TYRO3: variants seen among roughly 807,000 people sequenced by gnomAD.
TYRO3 encodes the protein TYRO3 protein tyrosine kinase, also known as tyrosine-protein kinase receptor TYRO3.
TYRO3 carries 38 observed loss-of-function variants against 95.2 expected under a neutral mutation model. The ratio of observed to expected loss-of-function variants is 0.40; its 90% CI spans 0.31 to 0.52. The LOEUF (loss-of-function observed/expected upper bound fraction) is 0.52, where lower values mean the gene tolerates loss of function less well. Among genes scored for constraint, TYRO3 ranks in the 20% least tolerant of loss-of-function variants. The pLI, the probability that TYRO3 is intolerant of heterozygous loss-of-function variation, is 0.56. For synonymous variants in TYRO3, 367 were observed against 432.9 expected (o/e 0.85, Z 1.89); for missense variants, 812 against 1,116.4 (o/e 0.73, Z 3.89).
rs748024537 is a variant in TYRO3, at chr15:41,561,138, A to G, written c.136A>G (p.Met46Val). Reference protein sequence around the residue: ...PESAAAGLKLMGAPVKLTVSQ... With the variant: ...PESAAAGLKLVGAPVKLTVSQ... ...TTCCCACCCCTCAGGTCTGAAGCTC[A>G]TGGGAGCCCCGGTGAAGCTGACAGT... The change falls in exon 2 of 19, where the codon ATG becomes GTG. Residue 46 changes from methionine (M) to valine (V), a missense_variant. By Grantham distance (21) the Met-to-Val change is conservative. Coordinates refer to ENST00000263798, the MANE Select transcript of TYRO3 (RefSeq NM_006293.4). 4.3e-6 allele frequency: 7 copies of G among 1,613,868 alleles called. No homozygotes were observed. The highest frequency in any genetic ancestry group is 1.7e-5 in the Admixed American group (1 of 60,010).
intron 18 of TYRO3, among the ~76,000 whole-genome samples, chr15:41,577,040 A>T (rs1434262642): frequency 6.6e-6 from 1 of 152,014 alleles, no homozygotes; most frequent in Non-Finnish European, 1.5e-5. Flanking sequence ...CTCGCTTCAA[A>T]TCACAGCTCT....
intron 18 of TYRO3, among the ~76,000 whole-genome samples, chr15:41,574,339 C>T (rs910967683): frequency 2.1e-4 from 32 of 152,042 alleles, no homozygotes; most frequent in African/African-American, 7.2e-4. Flanking sequence ...CCAAAGCCCT[C>T]GGGACTGGGC....
At position 41,573,348 on chromosome 15, in the gene TYRO3, C is replaced by T; in HGVS notation, c.2026C>T (p.Leu676Phe). The change falls in exon 17 of 19, where the codon CTC (leucine) becomes TTC (phenylalanine). Residue 676 changes from leucine (L) to phenylalanine (F), a missense_variant. Physicochemically the swap from Leu to Phe is conservative, Grantham distance 22. Coordinates refer to ENST00000263798, the MANE Select transcript of TYRO3 (RefSeq NM_006293.4). ...GACAGTGTGTGTGGCTGACTTCGGA[C>T]TCTCCCGGAAGATCTACAGTGGGGA... ...DMTVCVADFG[L>F]SRKIYSGDYY... is the part of the protein sequence containing the mutation. The T allele has an allele frequency of 1.2e-6, 2 of 1,614,240 alleles. No homozygotes were observed.
At chr15:41,568,760 G>A (rs998971206) in intron 8 of TYRO3, 118 bp from the exon 9 acceptor site, 1 of 1,243,906 alleles carries the variant, frequency 8.0e-7, no homozygotes, top group African/African-American at 1.5e-5. Flanking sequence ...TGCAGCCCCT[G>A]AACCCACAGT....
intron 3 of TYRO3, chr15:41,561,855 T>C: frequency 2.3e-6 from 1 of 443,988 alleles, no homozygotes; most frequent in East Asian, 4.8e-5. Context: ...ATCCACAACC[T>C]GTGGGGTGCA....
chr15:41,582,587 TAGG>T lies in TYRO3; in HGVS notation c.*4314_*4316del, dbSNP rs1278224939. 2 of 150,836 alleles carry T rather than the reference TAGG, an allele frequency of 1.3e-5. No homozygotes were observed. The highest frequency in any genetic ancestry group is 3.0e-5 in the Non-Finnish European group (2 of 67,722). 9.3% of individuals were successfully genotyped at this position (150,836 alleles called of 1,614,324 possible). ...ATCCCAGCTACTTGGGAGGCTGAGG[TAGG>T]AGAATTGCTTGAACCTGGGAGGTGG... On this transcript the variant is annotated 3_prime_UTR_variant, in exon 19 of 19. Transcript: ENST00000263798.
At chr15:41,575,626 G>T (rs2055850350) in intron 18 of TYRO3, among the ~76,000 whole-genome samples, 1 of 152,228 alleles carries the variant, frequency 6.6e-6, no homozygotes. Context: ...GTGTGCTGGT[G>T]TGTGAGGCAG....
chr15:41,573,666 G>T lies in TYRO3; in HGVS notation c.2146-13G>T. The stretch of plus-strand genomic sequence containing the variant: ...TAGTGACAGCTTCTCCCCCAACCTC[G>T]ATTCTGTCCCAGTGGGCGTTCGGGG... On this transcript the variant is annotated splice_polypyrimidine_tract_variant and intron_variant, in intron 17 of 18. Coordinates refer to ENST00000263798, the MANE Select transcript of TYRO3 (RefSeq NM_006293.4). 1.2e-6 allele frequency: 2 copies of T among 1,614,110 alleles called. No homozygotes were observed. Among genetic ancestry groups the T allele is most frequent in the South Asian group, 1.1e-5 (1 of 91,052 alleles).
rs2055888518 is a variant in TYRO3 at position 41,578,428 on chromosome 15, A to C, written c.*152A>C. 2 of 994,124 alleles carry C rather than the reference A, an allele frequency of 2.0e-6. No individual in the cohort carries two copies. The highest frequency in any genetic ancestry group is 2.8e-4 in the Middle Eastern group (1 of 3,634). 61.6% of individuals were successfully genotyped at this position (994,124 alleles called of 1,614,324 possible). On this transcript the variant is annotated 3_prime_UTR_variant, in exon 19 of 19. Coordinates refer to ENST00000263798, the MANE Select transcript of TYRO3 (RefSeq NM_006293.4). Reference sequence around the variant, plus strand: ...TGTGCTGGGAAGCCCGGACTGACCAAATCACCCAATCCCAGTTCTTCCTGC... The same window carrying C: ...TGTGCTGGGAAGCCCGGACTGACCACATCACCCAATCCCAGTTCTTCCTGC...
rs766014533 is a variant in TYRO3 at position 41,565,022 on chromosome 15, A to T, written c.668-4A>T. The T allele has an allele frequency of 2.3e-6, 3 of 1,285,440 alleles. No individual in the cohort carries two copies. In the South Asian group the frequency reaches 3.6e-5, roughly 15 times the overall value. 79.6% of individuals were successfully genotyped at this position (1,285,440 alleles called of 1,614,324 possible). On this transcript the variant is annotated splice_region_variant and splice_polypyrimidine_tract_variant and intron_variant, in intron 5 of 18. Coordinates refer to ENST00000263798, the MANE Select transcript of TYRO3 (RefSeq NM_006293.4). Reference sequence around the variant, plus strand: ...GGGCACTGATTCTGAGTCCCCGTCCACAGCACTGCCTGCAGCCCCCTTCAA... The same window carrying T: ...GGGCACTGATTCTGAGTCCCCGTCCTCAGCACTGCCTGCAGCCCCCTTCAA...
intron 7 of TYRO3, among the ~76,000 whole-genome samples, chr15:41,567,776 C>G (rs4924552): frequency 0.51 from 77,172 of 151,942 alleles, 20,839 homozygotes; most frequent in Middle Eastern, 0.62. Flanking sequence ...TTAAGGAAAC[C>G]CCCCCTAAAA....
intron 15 of TYRO3, 149 bp from the exon 16 acceptor site, chr15:41,572,853 C>A: frequency 1.3e-6 from 1 of 741,684 alleles, no homozygotes; most frequent in Non-Finnish European, 2.2e-6. Context: ...CTAGCCGAAG[C>A]TTCCTTGCCT....
rs1268540808 is a variant in TYRO3 at position 41,573,246 on chromosome 15, T to A, written c.1986-62T>A. 4 of 1,564,508 alleles carry A rather than the reference T, an allele frequency of 2.6e-6. No individual in the cohort carries two copies. In the Admixed American group the frequency reaches 5.1e-5, roughly 20 times the overall value. ...TGGGAGCAAAGATGCAAAGATGTCC[T>A]GGCTCTTGTGGGCCTGTGAGCATGG... On this transcript the variant is annotated intron_variant, in intron 16 of 18. Transcript: ENST00000263798.
intron 6 of TYRO3, among the ~76,000 whole-genome samples, chr15:41,565,796 C>G (rs2055715249): frequency 6.6e-6 from 1 of 151,944 alleles, no homozygotes; most frequent in South Asian, 2.1e-4. Flanking sequence ...TCCACCTTAC[C>G]CCCCAACCCC....
At chr15:41,564,653 G>A (rs1463399544) in intron 5 of TYRO3, 3 of 371,188 alleles carry the variant, frequency 8.1e-6, no homozygotes, top group Non-Finnish European at 1.5e-5. Flanking sequence ...GGTGTACAGA[G>A]AGAGGGGGAG....
At chr15:41,569,992 A>T (rs1190583062) in intron 9 of TYRO3, 35 bp from the exon 10 acceptor site, 1 of 1,603,026 alleles carries the variant, frequency 6.2e-7, no homozygotes, top group East Asian at 2.2e-5. Context: ...TCATGGTGTC[A>T]TCCTAGCTCA....
At chr15:41,568,117 C>T (rs1355730594) in intron 7 of TYRO3, 100 bp from the exon 8 acceptor site, 9 of 1,507,652 alleles carry the variant, frequency 6.0e-6, no homozygotes, top group Non-Finnish European at 8.2e-6. Flanking sequence ...TTGTGCCTCT[C>T]AGAGCTGTTT....
At position 41,568,227 on chromosome 15, in the gene TYRO3, C is replaced by T. The variant is rs149022450; in HGVS notation, c.972C>T (p.Ser324=). 3.2e-4 allele frequency: 513 copies of T among 1,612,136 alleles called. 1 individual carries two copies. In the African/African-American group the frequency reaches 6.1e-3, roughly 19 times the overall value. ...PFQTKGLAPA[S]APQNLHAIRT... is the part of the protein sequence containing the mutation. ...TCTCTTTGGCTGCAGCCCCAGCCAG[C>T]GCTCCCCAAAACCTCCATGCCATCC... The change falls in exon 8 of 19, where the codon AGC becomes AGT. Residue 324 remains serine (S), a synonymous_variant. Coordinates refer to ENST00000263798, the MANE Select transcript of TYRO3 (RefSeq NM_006293.4).
chr15:41,571,461 C>A, intron 13 of TYRO3, 134 bp from the exon 14 acceptor site: 2 of 676,096 alleles, frequency 3.0e-6, no homozygotes, highest in South Asian at 1.8e-5. Context: ...GGGGGTTTCT[C>A]CTGCTCATGG....
Sources: allele counts gnomAD v4.1 joint callset (sites outside exome capture counted in the v4.1 genomes callset), GRCh38; gene constraint gnomAD v4.1.1; transcripts MANE v1.5; gene names NCBI Gene and HGNC (gene_info 2026-07-23, HGNC 2026-07-21).